PCDH11X: variants seen among roughly 807,000 people sequenced by gnomAD.
The protein encoded by PCDH11X is protocadherin-11 X-linked.
PCDH11X carries 18 observed loss-of-function variants against 53.3 expected under a neutral mutation model. The ratio of observed to expected loss-of-function variants is 0.34; its 90% CI spans 0.23 to 0.50. PCDH11X has a LOEUF of 0.50. Among genes scored for constraint, PCDH11X ranks in the 20% least tolerant of loss-of-function variants. The probability of loss-of-function intolerance (pLI) is 0.98; values close to 1 mark genes in which losing one functional copy is unlikely to be tolerated. For synonymous variants in PCDH11X, 279 were observed against 393.3 expected, an observed-to-expected ratio of 0.71 and a Z score of 3.44; for missense variants, 570 against 1,032.4, an observed-to-expected ratio of 0.55 and a Z score of 6.14.
At chrX:92,285,504 C>T (rs1454702935) in intron 8 of PCDH11X, among the ~76,000 whole-genome samples, 5 of 110,440 alleles carry the variant, frequency 4.5e-5, no homozygotes, top group African/African-American at 6.6e-5. Flanking sequence ...CCGCCCGCTT[C>T]GGCCTCCCAA....
At chrX:91,873,536 C>T (rs1351924575) in intron 5 of PCDH11X, among the ~76,000 whole-genome samples, 2 of 110,591 alleles carry the variant, frequency 1.8e-5, no homozygotes, top group African/African-American at 3.3e-5. Context: ...TGCCATTTCA[C>T]ATAAAGTAAT....
intron 6 of PCDH11X, among the ~76,000 whole-genome samples, chrX:91,915,558 C>T (rs751641517): frequency 2.1e-4 from 23 of 110,481 alleles, no homozygotes; most frequent in African/African-American, 6.9e-4. Context: ...TCAGACAAAG[C>T]AGAATTTAAA....
chrX:91,879,833 A>G, intron 6 of PCDH11X: 2 of 751,767 alleles, frequency 2.7e-6, no homozygotes, highest in Non-Finnish European at 3.1e-6. Flanking sequence ...ATTTTGGTGC[A>G]TCAAATCTAC....
chrX:92,065,042 G>C (rs933851800), intron 6 of PCDH11X, among the ~76,000 whole-genome samples: 1 of 103,295 alleles, frequency 9.7e-6, no homozygotes, highest in African/African-American at 3.9e-5. Context: ...TCTCTGGGAG[G>C]CTGGGCATTG....
chrX:92,387,078 A>G lies in PCDH11X; in HGVS notation c.3145-657A>G, dbSNP rs368091125. On this transcript the variant is annotated intron_variant, in intron 8 of 10. Coordinates refer to ENST00000682573, the MANE Select transcript of PCDH11X (RefSeq NM_032968.5). The stretch of plus-strand genomic sequence containing the variant: ...TTCATCTTTATCTTTTTATTTGTAT[A>G]TATATTTTTATATTCTGCTAGGAAT... Among the ~76,000 whole-genome samples the G allele has an allele frequency of 1.6e-4, 17 of 105,352 alleles. No individual in the cohort carries two copies. In the East Asian group the frequency reaches 2.0e-3, roughly 13 times the overall value. The allele number at this position is 105,352 out of a possible 115,157, so 91.5% of individuals were successfully genotyped here. A position where few individuals can be genotyped will look rare whatever the true frequency, so the allele number is the denominator to read the frequency against.
chrX:92,004,768 CTTT>C (rs1171124073), intron 6 of PCDH11X, among the ~76,000 whole-genome samples: 744 of 56,843 alleles, frequency 0.013, 3 homozygotes, highest in African/African-American at 0.061. Context: ...CTATGTGTGC[CTTT>C]TTTTTTTTTT....
chrX:92,506,216 CTTTTTTT>C (rs1180678297), intron 10 of PCDH11X, among the ~76,000 whole-genome samples: 1 of 40,207 alleles, frequency 2.5e-5, no homozygotes, highest in African/African-American at 1.1e-4. Context: ...CTTTTCTTTT[CTTTTTTT>C]TTTTTTTTTT....
chrX:92,313,848 G>A (rs1399287059), intron 8 of PCDH11X, among the ~76,000 whole-genome samples: 5 of 111,151 alleles, frequency 4.5e-5, no homozygotes, highest in African/African-American at 9.8e-5. Flanking sequence ...GTAAAAATAC[G>A]GTATAAAAAG....
chrX:92,278,627 C>G (rs927615905), intron 8 of PCDH11X, among the ~76,000 whole-genome samples: 144 of 109,686 alleles, frequency 1.3e-3, no homozygotes, highest in Non-Finnish European at 2.5e-3. Context: ...GTTAATCACT[C>G]AGTTAAGGTG....
chrX:92,203,983 C>G (rs1420398213), intron 7 of PCDH11X, among the ~76,000 whole-genome samples: 3 of 112,323 alleles, frequency 2.7e-5, no homozygotes, highest in Non-Finnish European at 5.6e-5. Flanking sequence ...CTTGCACCCT[C>G]TGAAGCAATG....
At chrX:92,327,970 C>T (rs2069376647) in intron 8 of PCDH11X, among the ~76,000 whole-genome samples, 2 of 102,044 alleles carry the variant, frequency 2.0e-5, no homozygotes, top group Non-Finnish European at 4.0e-5. Context: ...TAAAGAAGTA[C>T]AAGTAATGAA....
intron 8 of PCDH11X, among the ~76,000 whole-genome samples, chrX:92,321,442 T>C (rs34113764): frequency 9.0e-6 from 1 of 110,594 alleles, no homozygotes; most frequent in Admixed American, 9.6e-5. Flanking sequence ...GTGATCCACC[T>C]GCCTTGGCCT....
chrX:92,247,622 G>C (rs1369564222), intron 7 of PCDH11X, among the ~76,000 whole-genome samples: 1 of 111,804 alleles, frequency 8.9e-6, no homozygotes, highest in Non-Finnish European at 1.9e-5. Context: ...GCTTCTGGTT[G>C]CACTGGCTGT....
At chrX:92,384,025 G>T (rs1195468176) in intron 8 of PCDH11X, among the ~76,000 whole-genome samples, 1 of 111,996 alleles carries the variant, frequency 8.9e-6, no homozygotes, top group Middle Eastern at 4.6e-3. Flanking sequence ...ATTCTAACTG[G>T]TGTGAGATGA....
In PCDH11X at chrX:92,431,286, A is replaced by G. The variant is rs891144088; in HGVS notation, c.3344-37013A>G. Among the ~76,000 whole-genome samples the G allele has an allele frequency of 1.0e-4, 11 of 110,447 alleles. 1 individual carries two copies. The highest frequency in any genetic ancestry group is 2.9e-4 in the African/African-American group (9 of 30,582). ...ATTTATTTGTAGACAGGAACTTTCC[A>G]TTGAAGATATCTGACTCTTTTCATA... On this transcript the variant is annotated intron_variant, in intron 9 of 10. Transcript: ENST00000682573.
chrX:91,827,832 G>A (rs1386341916), intron 4 of PCDH11X, among the ~76,000 whole-genome samples: 5 of 109,369 alleles, frequency 4.6e-5, no homozygotes, highest in Non-Finnish European at 9.5e-5. Flanking sequence ...CACCAGTACC[G>A]TTACTGTAGC....
chrX:92,052,100 A>G (rs2063375906), intron 6 of PCDH11X, among the ~76,000 whole-genome samples: 2 of 111,415 alleles, frequency 1.8e-5, no homozygotes, highest in Non-Finnish European at 1.9e-5. Flanking sequence ...TCCCCACAGC[A>G]ACTCAGAGGA....
At chrX:92,348,511 CATTATT>C (rs200025065) in intron 8 of PCDH11X, among the ~76,000 whole-genome samples, 29,612 of 93,317 alleles carry the variant, frequency 0.32, 3,317 homozygotes, top group South Asian at 0.39. Flanking sequence ...TCAAAATTAT[CATTATT>C]ATTATTATTA....
At chrX:91,967,198 T>C (rs1340328290) in intron 6 of PCDH11X, among the ~76,000 whole-genome samples, 2 of 110,554 alleles carry the variant, frequency 1.8e-5, no homozygotes, top group Admixed American at 9.7e-5. Context: ...TTTTTGTCTG[T>C]TACCAGTGTG....
Sources: gnomAD v4.1 joint callset for allele counts (sites outside exome capture counted in the v4.1 genomes callset) on GRCh38, gnomAD v4.1.1 for gene constraint, MANE v1.5 for transcripts, NCBI Gene and HGNC (gene_info 2026-07-23, HGNC 2026-07-21) for gene names.